The following RAB11FIP4 variants were observed in gnomAD, a reference collection of about 807,000 sequenced individuals.
RAB11FIP4 encodes RAB11 family interacting protein 4, also known as rab11 family-interacting protein 4.
RAB11FIP4 carries 23 observed loss-of-function variants against 74.3 expected under a neutral mutation model. The observed-to-expected ratio is 0.31, with a 90% confidence interval of 0.22 to 0.44. The LOEUF (loss-of-function observed/expected upper bound fraction) is 0.44. Ranked by LOEUF, RAB11FIP4 falls within the 20% of genes least tolerant of loss-of-function variation. The pLI, the probability that RAB11FIP4 is intolerant of heterozygous loss-of-function variation, is 1.00. For synonymous variants in RAB11FIP4, 360 were observed against 359.9 expected, an observed-to-expected ratio of 1.00 and a Z score of 0.00; for missense variants, 630 against 863.9, an observed-to-expected ratio of 0.73 and a Z score of 3.39.
chr17:31,458,116 C>T (rs1459956213), intron 3 of RAB11FIP4, among the ~76,000 whole-genome samples: 5 of 152,346 alleles, frequency 3.3e-5, no homozygotes, highest in East Asian at 3.9e-4. Context: ...GCAGTTAAGA[C>T]GTGTGTCCAA....
In RAB11FIP4 at chr17:31,531,903, G is replaced by T; in HGVS notation, c.*171G>T. 1 of 596,694 alleles carries T rather than the reference G, an allele frequency of 1.7e-6. No individual in the cohort carries two copies. Among genetic ancestry groups the T allele is most frequent in the South Asian group, 2.0e-5 (1 of 50,438 alleles). The allele number at this position is 596,694 out of a possible 1,614,324, so 37.0% of individuals were successfully genotyped here. On this transcript the variant is annotated 3_prime_UTR_variant, in exon 15 of 15. Coordinates refer to ENST00000621161, the MANE Select transcript of RAB11FIP4 (RefSeq NM_032932.6). ...GGGAGGCTGTGCACACGAGCGAGGGGTGAGTGGCCGTGGCTGTGGGCAGCA... is the reference window on the plus strand; with the variant it reads ...GGGAGGCTGTGCACACGAGCGAGGGTTGAGTGGCCGTGGCTGTGGGCAGCA...
rs1317303225 is a variant in RAB11FIP4, at chr17:31,534,440, C to A, written c.*2708C>A. The stretch of plus-strand genomic sequence containing the variant: ...GCACCACCACGCCCAGCTAATTTTT[C>A]TTATTTTTTGTAGAGACAGGGTCTC... On this transcript the variant is annotated 3_prime_UTR_variant, in exon 15 of 15. Transcript: ENST00000621161. 2 of 152,150 alleles carry A rather than the reference C, an allele frequency of 1.3e-5. No homozygotes were observed. The highest frequency in any genetic ancestry group is 3.9e-4 in the East Asian group (2 of 5,164). The allele number at this position is 152,150 out of a possible 1,614,324, so 9.4% of individuals were successfully genotyped here. A position where few individuals can be genotyped will look rare whatever the true frequency, so the allele number is the denominator to read the frequency against.
chr17:31,416,745 G>C, intron 1 of RAB11FIP4, among the ~76,000 whole-genome samples: 1 of 152,198 alleles, frequency 6.6e-6, no homozygotes, highest in East Asian at 1.9e-4. Flanking sequence ...CCTGCCTGCT[G>C]TGCGGTGAGG....
Position 31,434,092 on chromosome 17 carries a change from C to G in RAB11FIP4, c.306C>G (p.Cys102Trp), listed in dbSNP as rs201291649. 2.5e-6 allele frequency: 4 copies of G among 1,585,178 alleles called. No homozygotes were observed. Among genetic ancestry groups the G allele is most frequent in the Non-Finnish European group, 3.4e-6 (4 of 1,173,620 alleles). ...TGGAGAGCGCGGGGACGCTGCCGTG[C>G]GCGCCAGAGATCCCAGACTGCGTGG... ...LSVESAGTLPCAPEIPDCVEQ... is the reference protein window; with the variant it reads ...LSVESAGTLPWAPEIPDCVEQ... The change falls in exon 3 of 15, where the codon TGC (cysteine) becomes TGG (tryptophan). Residue 102 changes from cysteine (C) to tryptophan (W), a missense_variant. Cys to Trp is a radical substitution (Grantham distance 215). Transcript: ENST00000621161.
In RAB11FIP4 at chr17:31,492,949, A is replaced by G. The variant is rs374345986; in HGVS notation, c.337-24702A>G. 4.9e-4 allele frequency among the ~76,000 whole-genome samples: 75 copies of G among 152,232 alleles called. 1 individual carries two copies. Among genetic ancestry groups the G allele is most frequent in the African/African-American group, 1.4e-3 (59 of 41,528 alleles). Reference sequence around the variant, plus strand: ...CTTCACTTTTTCGCATGACCTGGAAAGGAGATGAGACGGGGAGGAGAACAT... The same window carrying G: ...CTTCACTTTTTCGCATGACCTGGAAGGGAGATGAGACGGGGAGGAGAACAT... On this transcript the variant is annotated intron_variant, in intron 3 of 14. Transcript: ENST00000621161.
At chr17:31,432,906 G>T (rs2071324422) in intron 2 of RAB11FIP4, among the ~76,000 whole-genome samples, 1 of 152,124 alleles carries the variant, frequency 6.6e-6, no homozygotes, top group African/African-American at 2.4e-5. Flanking sequence ...CAGGCGGATT[G>T]CTTGATCTCA....
rs549382200 is a variant in RAB11FIP4 at position 31,519,277 on chromosome 17, G to C, written c.563+1400G>C. ...GATCCACCTGCCTCGGCCTCCCAAA[G>C]TGCTGGGATTACAGGTGTGAGCCAC... On this transcript the variant is annotated intron_variant, in intron 4 of 14. Coordinates refer to ENST00000621161, the MANE Select transcript of RAB11FIP4 (RefSeq NM_032932.6). Among the ~76,000 whole-genome samples the C allele has an allele frequency of 5.4e-3, 819 of 152,228 alleles. 3 individuals carry two copies. The highest frequency in any genetic ancestry group is 8.9e-3 in the South Asian group (43 of 4,818).
chr17:31,489,008 C>T (rs933016371), intron 3 of RAB11FIP4, among the ~76,000 whole-genome samples: 2 of 152,230 alleles, frequency 1.3e-5, no homozygotes, highest in Non-Finnish European at 2.9e-5. Flanking sequence ...CTTCTCTTTC[C>T]CTTTTCCCTC....
chr17:31,508,617 G>A (rs1170792723), intron 3 of RAB11FIP4, among the ~76,000 whole-genome samples: 2 of 152,184 alleles, frequency 1.3e-5, no homozygotes. Flanking sequence ...GGCCCGGGTC[G>A]GCCTCAGACC....
At chr17:31,463,721 T>C (rs2071654776) in intron 3 of RAB11FIP4, among the ~76,000 whole-genome samples, 1 of 149,218 alleles carries the variant, frequency 6.7e-6, no homozygotes, top group South Asian at 2.1e-4. Flanking sequence ...GCCAGGCTGG[T>C]CTCGACCTCC....
chr17:31,401,540 T>C (rs1567643153), intron 1 of RAB11FIP4, among the ~76,000 whole-genome samples: 4 of 152,210 alleles, frequency 2.6e-5, no homozygotes, highest in Non-Finnish European at 2.9e-5. Flanking sequence ...TGTAAGGACC[T>C]CTGGCTTCCC....
intron 9 of RAB11FIP4, chr17:31,524,357 G>A: frequency 1.2e-5 from 3 of 258,902 alleles, no homozygotes; most frequent in Admixed American, 4.8e-5. Flanking sequence ...AGGCCAGTGT[G>A]AGCTGGGCGG....
chr17:31,413,485 C>T (rs1394105716), intron 1 of RAB11FIP4, among the ~76,000 whole-genome samples: 1 of 151,000 alleles, frequency 6.6e-6, no homozygotes, highest in East Asian at 1.9e-4. Context: ...TTTAGCCTCC[C>T]CCTGCCCTCC....
intron 3 of RAB11FIP4, among the ~76,000 whole-genome samples, chr17:31,469,093 C>T (rs1213736693): frequency 6.6e-6 from 1 of 152,194 alleles, no homozygotes; most frequent in African/African-American, 2.4e-5. Context: ...CTCAGGGTTC[C>T]TGTGAGCATT....
chr17:31,402,809 T>C (rs1017347969), intron 1 of RAB11FIP4, among the ~76,000 whole-genome samples: 12 of 151,504 alleles, frequency 7.9e-5, no homozygotes, highest in Admixed American at 5.3e-4. Flanking sequence ...GTATTTTTAG[T>C]AGAGACGGGG....
At chr17:31,431,705 G>C (rs1479244200) in intron 1 of RAB11FIP4, 108 bp from the exon 2 acceptor site, 1 of 816,426 alleles carries the variant, frequency 1.2e-6, no homozygotes, top group Admixed American at 1.9e-5. Flanking sequence ...AAGAGGACTG[G>C]GCGGGGACAC....
Position 31,419,644 on chromosome 17 carries a change from G to A in RAB11FIP4, c.160-12169G>A, listed in dbSNP as rs554807293. ...CGGCTCATTGCAAGCTCCGCCTCCC[G>A]GGTTCACGCCATTCTCCTGCCTCAG... On this transcript the variant is annotated intron_variant, in intron 1 of 14. Coordinates refer to ENST00000621161, the MANE Select transcript of RAB11FIP4 (RefSeq NM_032932.6). 1.1e-4 allele frequency among the ~76,000 whole-genome samples: 16 copies of A among 150,690 alleles called. No homozygotes were observed. In the South Asian group the frequency reaches 3.1e-3, roughly 30 times the overall value.
chr17:31,484,956 G>T (rs1253237751), intron 3 of RAB11FIP4, among the ~76,000 whole-genome samples: 1 of 152,194 alleles, frequency 6.6e-6, no homozygotes, highest in African/African-American at 2.4e-5. Context: ...TAGCAACAAG[G>T]TGGTAAAGCC....
intron 3 of RAB11FIP4, among the ~76,000 whole-genome samples, chr17:31,493,649 G>A (rs1457455665): frequency 6.6e-6 from 1 of 152,162 alleles, no homozygotes; most frequent in Non-Finnish European, 1.5e-5. Context: ...CCCAATGCCT[G>A]TTTCCTTAAG....
Sources: gnomAD v4.1 joint callset for allele counts (sites outside exome capture counted in the v4.1 genomes callset) on GRCh38, gnomAD v4.1.1 for gene constraint, MANE v1.5 for transcripts, NCBI Gene and HGNC (gene_info 2026-07-23, HGNC 2026-07-21) for gene names.